The following DEFB121 variants were observed in gnomAD, a reference collection of about 807,000 sequenced individuals.
DEFB121 encodes beta-defensin 121.
In DEFB121, 5 loss-of-function variants were observed where a neutral mutation model predicts 2.5. The ratio of observed to expected loss-of-function variants is 1.96; its 90% CI spans 1.03 to 4.13. The LOEUF is 4.13. Among genes scored for constraint, DEFB121 ranks in the 30% most tolerant of loss-of-function variants. The probability of loss-of-function intolerance (pLI) is 0.00; values close to 1 mark genes in which losing one functional copy is unlikely to be tolerated. For synonymous variants in DEFB121, 39 were observed against 32.6 expected, an observed-to-expected ratio of 1.20 and a Z score of -0.67; for missense variants, 87 against 85.0, an observed-to-expected ratio of 1.02 and a Z score of -0.09.
chr20:31,416,686 T>C (rs1384686539), upstream of DEFB121, among the ~76,000 whole-genome samples: 1 of 152,220 alleles, frequency 6.6e-6, no homozygotes, highest in Non-Finnish European at 1.5e-5. Flanking sequence ...CCTCTAATTT[T>C]TAGGAGATTA....
chr20:31,417,118 G>C (rs1323157320), upstream of DEFB121, among the ~76,000 whole-genome samples: 1 of 152,172 alleles, frequency 6.6e-6, no homozygotes, highest in Non-Finnish European at 1.5e-5. Context: ...GGCCGAAGCA[G>C]GCAGATCACT....
At chr20:31,412,857 G>A (rs1600533644), upstream of DEFB121, 6 of 353,812 alleles carry the variant, frequency 1.7e-5, no homozygotes, top group South Asian at 8.9e-5. Context: ...TGTCCAGAGT[G>A]TATACGATGT....
upstream of DEFB121, among the ~76,000 whole-genome samples, chr20:31,408,507 G>T (rs543150039): frequency 7.2e-6 from 1 of 139,732 alleles, no homozygotes; most frequent in Non-Finnish European, 1.5e-5. Context: ...TTAATGCTCC[G>T]GAGGTCACTT....
At chr20:31,406,963 C>T (rs1209682667), upstream of DEFB121, among the ~76,000 whole-genome samples, 2 of 152,080 alleles carry the variant, frequency 1.3e-5, no homozygotes, top group African/African-American at 4.8e-5. Flanking sequence ...TCATGCCCAG[C>T]TTGGTCTTTC....
chr20:31,417,686 G>A (rs1213736810), upstream of DEFB121, among the ~76,000 whole-genome samples: 10 of 152,104 alleles, frequency 6.6e-5, no homozygotes. Flanking sequence ...ACAATGGTTG[G>A]GCACAGTGGC....
upstream of DEFB121, among the ~76,000 whole-genome samples, chr20:31,409,810 T>C (rs985887850): frequency 7.2e-5 from 11 of 151,758 alleles, no homozygotes; most frequent in South Asian, 1.0e-3. Context: ...AGTGGAAAAA[T>C]CCAGACCAAA....
At chr20:31,407,665 T>C (rs1312280894), upstream of DEFB121, among the ~76,000 whole-genome samples, 1 of 152,164 alleles carries the variant, frequency 6.6e-6, no homozygotes, top group Admixed American at 6.5e-5. Flanking sequence ...AGCCACTGAG[T>C]TTTGGAGTGG....
chr20:31,411,324 A>G (rs185632982), intron 1 of DEFB121, among the ~76,000 whole-genome samples: 111 of 152,204 alleles, frequency 7.3e-4, no homozygotes, highest in African/African-American at 2.5e-3. Context: ...TGTTGCCAAG[A>G]CTCCCATTTC....
upstream of DEFB121, among the ~76,000 whole-genome samples, chr20:31,416,441 G>A (rs1978809304): frequency 6.6e-6 from 1 of 152,140 alleles, no homozygotes; most frequent in East Asian, 1.9e-4. Flanking sequence ...GTTTTAAAAA[G>A]TTTTCTGCTC....
chr20:31,406,946 T>TG (rs746748060), upstream of DEFB121, among the ~76,000 whole-genome samples: 9 of 152,194 alleles, frequency 5.9e-5, no homozygotes, highest in Non-Finnish European at 1.2e-4. Context: ...ATTAAAGGCA[T>TG]GAGCCATCAT....
upstream of DEFB121, among the ~76,000 whole-genome samples, chr20:31,407,082 C>CA (rs933137898): frequency 9.0e-4 from 135 of 150,572 alleles, 1 homozygote; most frequent in South Asian, 8.0e-3. Flanking sequence ...CCCGTCTCTA[C>CA]AAAAAAAAAT....
upstream of DEFB121, among the ~76,000 whole-genome samples, chr20:31,417,644 T>C (rs909201950): frequency 6.6e-6 from 1 of 151,772 alleles, no homozygotes; most frequent in Admixed American, 6.6e-5. Context: ...CTCAGAAAAA[T>C]TGATTTCAGT....
In DEFB121 at chr20:31,406,088, T is replaced by C. The variant is rs144922209; in HGVS notation, c.58+7A>G. 6.4e-4 allele frequency: 1,039 copies of C among 1,614,082 alleles called. 6 individuals are homozygous for C. The East Asian group carries it at 0.019, about 29-fold the overall frequency. Reference sequence around the variant, plus strand: ...GACTCCCATCCCCTTCTGGAGATCCTGTTTACCTGGGGTGACCTGGGCCAG... The same window carrying C: ...GACTCCCATCCCCTTCTGGAGATCCCGTTTACCTGGGGTGACCTGGGCCAG... On this transcript the variant is annotated splice_region_variant and intron_variant, in intron 1 of 1. Transcript: ENST00000376314.
At chr20:31,409,953 A>C (rs1978611339), upstream of DEFB121, among the ~76,000 whole-genome samples, 2 of 152,222 alleles carry the variant, frequency 1.3e-5, no homozygotes, top group Non-Finnish European at 2.9e-5. Flanking sequence ...ATGGGGCATG[A>C]GGGAACTTTC....
upstream of DEFB121, among the ~76,000 whole-genome samples, chr20:31,411,080 A>C (rs1425147169): frequency 1.3e-5 from 2 of 152,234 alleles, no homozygotes; most frequent in African/African-American, 2.4e-5. Context: ...ACCTGAATCC[A>C]TTATGTGCAT....
At chr20:31,414,293 CAAAGGAAGG>C (rs988280654), upstream of DEFB121, among the ~76,000 whole-genome samples, 11 of 151,478 alleles carry the variant, frequency 7.3e-5, no homozygotes, top group African/African-American at 2.2e-4. Flanking sequence ...GAAAGGAAGG[CAAAGGAAGG>C]AAAGGAAGGA....
chr20:31,405,958 T>G, intron 1 of DEFB121, 137 bp downstream of exon 1: 1 of 904,938 alleles, frequency 1.1e-6, no homozygotes, highest in Non-Finnish European at 1.7e-6. Flanking sequence ...AACTTCCCCA[T>G]AACTAGAGAG....
chr20:31,412,648 C>T (rs1978696256), exon 1 of DEFB121: 2 of 1,290,824 alleles, frequency 1.5e-6, no homozygotes, highest in South Asian at 1.2e-5. Flanking sequence ...AAACATTTGG[C>T]TATTGACCTC....
At chr20:31,415,755 A>G (rs1978789786), upstream of DEFB121, among the ~76,000 whole-genome samples, 1 of 152,092 alleles carries the variant, frequency 6.6e-6, no homozygotes, top group Non-Finnish European at 1.5e-5. Flanking sequence ...GGCTTGAAGG[A>G]GAATAGGTTT....
Sources: gnomAD v4.1 joint callset for allele counts (sites outside exome capture counted in the v4.1 genomes callset) on GRCh38, gnomAD v4.1.1 for gene constraint, MANE v1.5 for transcripts, NCBI Gene and HGNC (gene_info 2026-07-23, HGNC 2026-07-21) for gene names.